Variants in PALD1 observed in about 807,000 individuals in gnomAD.
PALD1 encodes the protein phosphatase domain containing paladin 1, also known as paladin.
PALD1 carries 57 observed loss-of-function variants against 96.0 expected under a neutral mutation model. The ratio of observed to expected loss-of-function variants is 0.59; its 90% CI spans 0.48 to 0.74. The LOEUF is 0.74. PALD1 is among the 30% of genes least tolerant of loss of function. PALD1 has a pLI of 0.00. For synonymous variants in PALD1, 464 were observed against 473.6 expected (o/e 0.98, Z 0.26); for missense variants, 1,063 against 1,143.7 (o/e 0.93, Z 1.02).
At chr10:70,504,269 G>A (rs975550815) in intron 1 of PALD1, among the ~76,000 whole-genome samples, 1 of 152,204 alleles carries the variant, frequency 6.6e-6, no homozygotes, top group Admixed American at 6.5e-5. Context: ...GCTCACGCCC[G>A]TAATCCCAGC....
chr10:70,566,821 G>A lies in PALD1; in HGVS notation c.*88G>A, dbSNP rs562859288. 4.7e-6 allele frequency: 4 copies of A among 842,368 alleles called. No individual in the cohort carries two copies. In the African/African-American group the frequency reaches 6.8e-5, roughly 14 times the overall value. The allele number at this position is 842,368 out of a possible 1,614,324, so 52.2% of individuals were successfully genotyped here. A position where few individuals can be genotyped will look rare whatever the true frequency, so the allele number is the denominator to read the frequency against. ...CTCTTGGCTGGGAGCGGCCCTGAGG[G>A]GTGCTGGCCTTGAAATGATTCCCCC... On this transcript the variant is annotated 3_prime_UTR_variant, in exon 20 of 20. Transcript: ENST00000263563.
At chr10:70,511,076 A>G (rs774804807) in intron 1 of PALD1, among the ~76,000 whole-genome samples, 6 of 152,098 alleles carry the variant, frequency 3.9e-5, no homozygotes, top group Admixed American at 6.5e-5. Context: ...CAGTAGGGAA[A>G]CTTGACATTC....
chr10:70,526,263 C>T (rs1418490932), intron 2 of PALD1, 127 bp downstream of exon 2: 3 of 725,474 alleles, frequency 4.1e-6, no homozygotes, highest in Non-Finnish European at 7.0e-6. Flanking sequence ...GATGATGACA[C>T]TGAGGCCCAG....
At chr10:70,474,775 G>C (rs1845802434), upstream of PALD1, among the ~76,000 whole-genome samples, 1 of 152,206 alleles carries the variant, frequency 6.6e-6, no homozygotes, top group Non-Finnish European at 1.5e-5. Flanking sequence ...TCAATAAAAT[G>C]AATAATCCTG....
chr10:70,464,071 C>T, the PALD1 span, among the ~76,000 whole-genome samples: 1 of 152,172 alleles, frequency 6.6e-6, no homozygotes, highest in African/African-American at 2.4e-5. Flanking sequence ...CAGAAAGTTC[C>T]CTCGGGCCGC....
chr10:70,538,783 G>A (rs1847167901), intron 12 of PALD1, 109 bp from the exon 13 acceptor site: 2 of 899,356 alleles, frequency 2.2e-6, no homozygotes, highest in East Asian at 2.4e-5. Flanking sequence ...TTTGTAAACT[G>A]TGAAGCTCGG....
chr10:70,552,141 C>T (rs1257866252), intron 18 of PALD1, among the ~76,000 whole-genome samples: 3 of 152,294 alleles, frequency 2.0e-5, no homozygotes, highest in East Asian at 1.9e-4. Flanking sequence ...ATGAAAGGTG[C>T]GCAGAGCTGA....
chr10:70,542,878 A>G (rs1013611781), intron 17 of PALD1, among the ~76,000 whole-genome samples: 1 of 152,136 alleles, frequency 6.6e-6, no homozygotes, highest in African/African-American at 2.4e-5. Flanking sequence ...ACCATTTTAC[A>G]TTCCCACCAG....
chr10:70,498,502 A>G (rs1426251430), intron 1 of PALD1, among the ~76,000 whole-genome samples: 2 of 149,998 alleles, frequency 1.3e-5, no homozygotes, highest in African/African-American at 4.9e-5. Flanking sequence ...CTGGTATCAA[A>G]CTCCTGACTT....
At chr10:70,533,140 GCAC>G (rs1847031089) in intron 7 of PALD1, 70 bp downstream of exon 7, 1 of 1,278,626 alleles carries the variant, frequency 7.8e-7, no homozygotes, top group South Asian at 1.3e-5. Context: ...CTCAGGGTGG[GCAC>G]AGCCTCTCGC....
intron 1 of PALD1, among the ~76,000 whole-genome samples, chr10:70,481,209 G>A (rs867210434): frequency 6.6e-6 from 1 of 152,184 alleles, no homozygotes; most frequent in South Asian, 2.1e-4. Context: ...TGAGCTCCTG[G>A]GGGGCACAGA....
intron 18 of PALD1, among the ~76,000 whole-genome samples, chr10:70,557,930 C>CTTTTCTT (rs1847643852): frequency 1.1e-5 from 1 of 92,882 alleles, no homozygotes; most frequent in Non-Finnish European, 2.1e-5. Context: ...TTGGCTCTTC[C>CTTTTCTT]TTTTTTTTTT....
At chr10:70,517,738 G>A (rs930705847) in intron 1 of PALD1, among the ~76,000 whole-genome samples, 3 of 151,982 alleles carry the variant, frequency 2.0e-5, no homozygotes, top group Admixed American at 6.6e-5. Flanking sequence ...ATGTGCCCTC[G>A]TGCAGTTGAG....
At position 70,539,050 on chromosome 10, in the gene PALD1, G is replaced by C; in HGVS notation, c.1569+42G>C. ...GCCTGGGTCCCCCAGTGGGTTTGGGGAGGGAGGGCTGAGCACTCACTGCCG... is the reference window on the plus strand; with the variant it reads ...GCCTGGGTCCCCCAGTGGGTTTGGGCAGGGAGGGCTGAGCACTCACTGCCG... On this transcript the variant is annotated intron_variant, in intron 13 of 19. Coordinates refer to ENST00000263563, the MANE Select transcript of PALD1 (RefSeq NM_014431.3). The surrounding 1 kb of genome is among the most constrained non-coding windows in gnomAD (Gnocchi z 4.5). The C allele has an allele frequency of 6.2e-7, 1 of 1,613,560 alleles. No individual in the cohort carries two copies. Among genetic ancestry groups the C allele is most frequent in the South Asian group, 1.1e-5 (1 of 91,056 alleles).
At chr10:70,464,067 G>T in the PALD1 span, among the ~76,000 whole-genome samples, 1 of 152,112 alleles carries the variant, frequency 6.6e-6, no homozygotes, top group Non-Finnish European at 1.5e-5. Flanking sequence ...ACCCCAGAAA[G>T]TTCCCTCGGG....
Position 70,537,905 on chromosome 10 carries a change from A to G in PALD1, c.1322A>G (p.Gln441Arg), listed in dbSNP as rs758205657. The change falls in exon 11 of 20, where the codon CAG becomes CGG. Residue 441 changes from glutamine to arginine, a missense_variant and splice_region_variant. Transcript: ENST00000263563. Reference sequence around the variant, plus strand: ...CTGTTTAACTACTACCTTCATGAGCAGGTGGGGCCTGGGAGGAGCAGACCC... The same window carrying G: ...CTGTTTAACTACTACCTTCATGAGCGGGTGGGGCCTGGGAGGAGCAGACCC... ...LILFNYYLHE[Q>R]YPLAFALSFS... The G allele has an allele frequency of 1.2e-6, 2 of 1,607,478 alleles. No homozygotes were observed. Among genetic ancestry groups the G allele is most frequent in the South Asian group, 2.2e-5 (2 of 90,930 alleles).
chr10:70,556,279 C>CCTCTCTCTCTCTCTCTCTCTCTCT (rs112574716), intron 18 of PALD1, among the ~76,000 whole-genome samples: 2 of 128,650 alleles, frequency 1.6e-5, no homozygotes, highest in African/African-American at 5.8e-5. Flanking sequence ...GTAGCCGAGA[C>CCTCTCTCTCTCTCTCTCTCTCTCT]CTCTCTCTCT....
intron 3 of PALD1, 71 bp downstream of exon 3, chr10:70,529,402 C>A: frequency 1.3e-6 from 1 of 750,572 alleles, no homozygotes; most frequent in South Asian, 1.5e-5. Context: ...TTCCCTCCCT[C>A]ACCTCCCTCT....
chr10:70,479,318 G>A (rs1261958916), intron 1 of PALD1, among the ~76,000 whole-genome samples: 1 of 152,220 alleles, frequency 6.6e-6, no homozygotes, highest in Non-Finnish European at 1.5e-5. Context: ...GTGTAGGCAT[G>A]GCCTGGTGAC....
Sources: allele counts gnomAD v4.1 joint callset (sites outside exome capture counted in the v4.1 genomes callset), GRCh38; gene constraint gnomAD v4.1.1; non-coding constraint Gnocchi (gnomAD v3.1); transcripts MANE v1.5; gene names NCBI Gene and HGNC (gene_info 2026-07-23, HGNC 2026-07-21).